SEMA3D: variants seen among roughly 807,000 people sequenced by gnomAD.
The protein encoded by SEMA3D is semaphorin-3D.
In SEMA3D, 84 loss-of-function variants were observed where a neutral mutation model predicts 100.1. That is an observed-to-expected ratio of 0.84 (90% CI 0.70 to 1.01). The LOEUF (loss-of-function observed/expected upper bound fraction) is 1.01. Ranked by LOEUF, SEMA3D falls within the 50% of genes least tolerant of loss-of-function variation. The pLI is 0.00. For synonymous variants in SEMA3D, 312 were observed against 320.7 expected (o/e 0.97, Z 0.29); for missense variants, 875 against 934.1 (o/e 0.94, Z 0.82).
the SEMA3D span, among the ~76,000 whole-genome samples, chr7:85,229,912 C>G: frequency 3.3e-5 from 5 of 152,042 alleles, no homozygotes. Context: ...TGTACTTCTG[C>G]TTTTCAAAAT....
intron 9 of SEMA3D, among the ~76,000 whole-genome samples, chr7:85,051,543 T>A (rs983887189): frequency 2.6e-5 from 4 of 151,912 alleles, no homozygotes; most frequent in African/African-American, 9.7e-5. Flanking sequence ...GATTCTATCC[T>A]TGCCCTTTGA....
intron 17 of SEMA3D, among the ~76,000 whole-genome samples, chr7:85,012,428 CTATT>C (rs1789980940): frequency 2.6e-5 from 4 of 151,734 alleles, no homozygotes; most frequent in Non-Finnish European, 4.4e-5. Context: ...TCTGGGAGGT[CTATT>C]TGAGTTTACT....
intron 4 of SEMA3D, 33 bp from the exon 5 acceptor site, chr7:85,081,612 A>T: frequency 6.9e-7 from 1 of 1,455,330 alleles, no homozygotes; most frequent in Non-Finnish European, 9.6e-7. Context: ...TTACAACCTG[A>T]ATATCTGAAA....
rs531006801 is a variant in SEMA3D, at chr7:85,151,630, T to A, written c.-41+1978A>T. ...GTGTGTGTGTGTGTGTGTGTGTGTG[T>A]GATCAAGGTATGCAATTCTCAGTAT... On this transcript the variant is annotated intron_variant, in intron 2 of 18. Coordinates refer to ENST00000284136, the MANE Select transcript of SEMA3D (RefSeq NM_001384900.1). The A allele has an allele frequency of 1.1e-4, 91 of 854,020 alleles. 1 individual carries two copies. The highest frequency in any genetic ancestry group is 4.7e-4 in the African/African-American group (24 of 51,410). 52.9% of individuals were successfully genotyped at this position (854,020 alleles called of 1,614,324 possible).
chr7:85,171,119 T>C (rs969931239), intron 1 of SEMA3D, among the ~76,000 whole-genome samples: 1 of 152,002 alleles, frequency 6.6e-6, no homozygotes. Context: ...CAAAAGACAG[T>C]GTACACACTT....
intron 1 of SEMA3D, among the ~76,000 whole-genome samples, chr7:85,172,006 A>C (rs1320452185): frequency 1.3e-5 from 2 of 151,594 alleles, no homozygotes; most frequent in Admixed American, 6.6e-5. Context: ...ATATATATAG[A>C]GAGAGACACA....
At chr7:85,125,106 A>G (rs1562827573) in intron 2 of SEMA3D, among the ~76,000 whole-genome samples, 1 of 152,236 alleles carries the variant, frequency 6.6e-6, no homozygotes, top group East Asian at 1.9e-4. Context: ...GAATGCAGAG[A>G]CTGAGTATAT....
the SEMA3D span, among the ~76,000 whole-genome samples, chr7:85,226,686 T>C: frequency 6.6e-6 from 1 of 152,188 alleles, no homozygotes; most frequent in South Asian, 2.1e-4. Flanking sequence ...ATGAGGATTT[T>C]TTTTTTTGTT....
At chr7:85,034,184 T>C (rs1790627327) in intron 12 of SEMA3D, among the ~76,000 whole-genome samples, 1 of 152,156 alleles carries the variant, frequency 6.6e-6, no homozygotes, top group South Asian at 2.1e-4. Flanking sequence ...TTAAGTAAGT[T>C]AATGTTTGTA....
the SEMA3D span, among the ~76,000 whole-genome samples, chr7:85,192,925 T>G: frequency 6.6e-6 from 1 of 152,170 alleles, no homozygotes; most frequent in African/African-American, 2.4e-5. Flanking sequence ...CCCATTTATT[T>G]TTAAAAATCT....
chr7:85,127,814 A>G (rs1789608450), intron 2 of SEMA3D, among the ~76,000 whole-genome samples: 1 of 152,126 alleles, frequency 6.6e-6, no homozygotes, highest in Non-Finnish European at 1.5e-5. Context: ...CGACAGCCCA[A>G]AGTTTCAATA....
At chr7:85,196,742 A>T in the SEMA3D span, among the ~76,000 whole-genome samples, 1 of 152,188 alleles carries the variant, frequency 6.6e-6, no homozygotes, top group Admixed American at 6.5e-5. Context: ...CAAAAGTCCA[A>T]TAACTTTTGT....
intron 1 of SEMA3D, chr7:85,163,012 A>C: frequency 2.2e-6 from 2 of 928,826 alleles, no homozygotes; most frequent in Non-Finnish European, 2.6e-6. Context: ...AGCTAACGAG[A>C]AGGAAAGACA....
chr7:85,029,571 A>G (rs1433460599), intron 12 of SEMA3D: 1 of 522,366 alleles, frequency 1.9e-6, no homozygotes, highest in Non-Finnish European at 3.6e-6. Context: ...CTTCAAGTCC[A>G]TGATAACCAA....
chr7:85,191,255 A>G (rs549943032), upstream of SEMA3D, among the ~76,000 whole-genome samples: 66 of 152,256 alleles, frequency 4.3e-4, no homozygotes, highest in African/African-American at 1.5e-3. Context: ...AGGAGTCTAT[A>G]TGGTTGTTGC....
At chr7:85,077,489 A>T (rs1325555948) in intron 5 of SEMA3D, among the ~76,000 whole-genome samples, 2 of 152,092 alleles carry the variant, frequency 1.3e-5, no homozygotes, top group African/African-American at 4.8e-5. Context: ...ATCAGCACGA[A>T]AAAGGCAAAC....
At chr7:85,229,696 C>T in the SEMA3D span, among the ~76,000 whole-genome samples, 1 of 152,004 alleles carries the variant, frequency 6.6e-6, no homozygotes, top group Non-Finnish European at 1.5e-5. Flanking sequence ...ATACAAATTC[C>T]CTTCTAATAA....
chr7:85,043,704 G>A (rs186536786), intron 9 of SEMA3D, among the ~76,000 whole-genome samples: 5 of 152,074 alleles, frequency 3.3e-5, no homozygotes, highest in Admixed American at 2.0e-4. Flanking sequence ...TGCTGTTCTC[G>A]TGATAGTGAA....
At chr7:85,168,878 A>T (rs563172537) in intron 1 of SEMA3D, among the ~76,000 whole-genome samples, 2 of 138,074 alleles carry the variant, frequency 1.4e-5, no homozygotes, top group Non-Finnish European at 3.2e-5. Flanking sequence ...AGAAAGAAAG[A>T]AAAGAAAGAA....
Sources: gnomAD v4.1 joint callset for allele counts (sites outside exome capture counted in the v4.1 genomes callset) on GRCh38, gnomAD v4.1.1 for gene constraint, MANE v1.5 for transcripts, NCBI Gene and HGNC (gene_info 2026-07-23, HGNC 2026-07-21) for gene names.